EPB41L3: variants seen among roughly 807,000 people sequenced by gnomAD.
EPB41L3 encodes the protein band 4.1-like protein 3.
EPB41L3 carries 57 observed loss-of-function variants against 127.1 expected under a neutral mutation model. That is an observed-to-expected ratio of 0.45 (90% CI 0.36 to 0.56). The LOEUF (loss-of-function observed/expected upper bound fraction) is 0.56, where lower values mean the gene tolerates loss of function less well. EPB41L3 is among the 20% of genes least tolerant of loss of function. EPB41L3 has a pLI of 0.00. For missense variants in EPB41L3, 1,273 were observed against 1,372.2 expected (o/e 0.93, Z 1.14); for synonymous variants, 572 against 549.5 (o/e 1.04, Z -0.57).
chr18:5,540,465 G>A (rs2093688043), intron 1 of EPB41L3: 6 of 985,284 alleles, frequency 6.1e-6, no homozygotes, highest in Middle Eastern at 5.2e-4. Flanking sequence ...GAGCCATAGT[G>A]ATGTCACAAC....
rs746251961 is a variant in EPB41L3, at chr18:5,415,866, G to A, written c.2019C>T (p.Ser673=). The change falls in exon 13 of 23, where the codon TCC becomes TCT. Residue 673 remains serine (S), a synonymous_variant. Coordinates refer to ENST00000341928, the MANE Select transcript of EPB41L3 (RefSeq NM_012307.5). The part of the protein sequence containing the change: ...CLCYLEPKAA[S]LSASLDNDPS... ...GGTCATTGTCTAGGGAGGCGCTCAA[G>A]GAGGCCGCCTTGGGCTCCAGGTAGC... The A allele has an allele frequency of 2.5e-6, 4 of 1,613,466 alleles. No homozygotes were observed. Among genetic ancestry groups the A allele is most frequent in the Admixed American group, 1.7e-5 (1 of 59,992 alleles).
chr18:5,394,364 T>C (rs569092585), intron 22 of EPB41L3: 1 of 204,988 alleles, frequency 4.9e-6, no homozygotes, highest in African/African-American at 2.3e-5. Context: ...AAATTTGCCA[T>C]TACAAATTTG....
intron 2 of EPB41L3, among the ~76,000 whole-genome samples, chr18:5,486,698 C>T (rs550212933): frequency 1.3e-5 from 2 of 152,202 alleles, no homozygotes; most frequent in South Asian, 4.1e-4. Flanking sequence ...AGAAGACACA[C>T]AAATGGCCAA....
intron 1 of EPB41L3, among the ~76,000 whole-genome samples, chr18:5,502,990 A>G (rs1449138711): frequency 6.6e-6 from 1 of 152,198 alleles, no homozygotes; most frequent in Non-Finnish European, 1.5e-5. Context: ...ATGAAAAGAG[A>G]GACTTAAGTG....
intron 20 of EPB41L3, 66 bp from the exon 21 acceptor site, chr18:5,395,213 G>A: frequency 1.5e-6 from 2 of 1,357,386 alleles, no homozygotes; most frequent in South Asian, 1.2e-5. Context: ...GTTCAGTAGG[G>A]GGAAATGGCC....
intron 1 of EPB41L3, among the ~76,000 whole-genome samples, chr18:5,503,696 A>C (rs1348276601): frequency 1.4e-4 from 22 of 152,254 alleles, no homozygotes. Context: ...ACCATTCCCT[A>C]GTCAAGGCTA....
rs1318689691 is a variant in EPB41L3 at position 5,428,325 on chromosome 18, G to C, written c.1053C>G (p.Ile351Met). 1 of 1,614,116 alleles carries C rather than the reference G, an allele frequency of 6.2e-7. No homozygotes were observed. Among genetic ancestry groups the C allele is most frequent in the South Asian group, 1.1e-5 (1 of 91,078 alleles). Residue 351 changes from isoleucine to methionine, a missense_variant, in exon 9 of 23, where the codon ATC becomes ATG. Transcript: ENST00000341928. ...SYKRNNFYIK[I>M]RPGEFEQFES... ...TGGGTATACTTACCTCTCCCGGCCGGATCTTAATGTAAAAGTTGTTCCGTT... is the reference window on the plus strand; with the variant it reads ...TGGGTATACTTACCTCTCCCGGCCGCATCTTAATGTAAAAGTTGTTCCGTT...
At chr18:5,457,005 C>T (rs980587878) in intron 3 of EPB41L3, among the ~76,000 whole-genome samples, 1 of 152,246 alleles carries the variant, frequency 6.6e-6, no homozygotes, top group Non-Finnish European at 1.5e-5. Flanking sequence ...GTAGTCACTG[C>T]TCCTTCCCGA....
intron 16 of EPB41L3, chr18:5,401,128 T>C: frequency 1.5e-6 from 1 of 687,616 alleles, no homozygotes; most frequent in Non-Finnish European, 2.5e-6. Flanking sequence ...TCTTTCATTG[T>C]ATTATCTCTA....
intron 2 of EPB41L3, among the ~76,000 whole-genome samples, chr18:5,478,835 C>T (rs2147926348): frequency 6.6e-6 from 1 of 152,270 alleles, no homozygotes; most frequent in East Asian, 1.9e-4. Context: ...CTATACTCTA[C>T]AACTTGTTAT....
upstream of EPB41L3, among the ~76,000 whole-genome samples, chr18:5,629,407 CT>C (rs1340235516): frequency 7.6e-6 from 1 of 130,870 alleles, no homozygotes; most frequent in Non-Finnish European, 1.6e-5. Flanking sequence ...CTCGCTCATC[CT>C]TACACACCAC....
rs143684102 is a variant in EPB41L3 at position 5,513,106 on chromosome 18, T to C, written c.-11-23912A>G. ...TGTCATTCTCTCTCCCAAGTTTTTC[T>C]GATTCTCCTCTTTCCAGGCACATAG... On this transcript the variant is annotated intron_variant, in intron 1 of 22. Transcript: ENST00000341928. 4.4e-3 allele frequency among the ~76,000 whole-genome samples: 668 copies of C among 152,304 alleles called. 2 individuals carry two copies. The highest frequency in any genetic ancestry group is 0.015 in the African/African-American group (636 of 41,570).
At chr18:5,456,936 A>T (rs2083180473) in intron 3 of EPB41L3, among the ~76,000 whole-genome samples, 1 of 152,246 alleles carries the variant, frequency 6.6e-6, no homozygotes, top group Admixed American at 6.5e-5. Flanking sequence ...GAGAAGCTGG[A>T]GCAGCAGGGA....
At chr18:5,428,193 C>T (rs759864069) in intron 9 of EPB41L3, 120 bp downstream of exon 9, 1 of 1,105,258 alleles carries the variant, frequency 9.0e-7, no homozygotes, top group Non-Finnish European at 1.3e-6. Context: ...CTCTCTCAGG[C>T]ACTTAGATGT....
At chr18:5,529,233 G>A (rs540186641) in intron 1 of EPB41L3, among the ~76,000 whole-genome samples, 60 of 152,198 alleles carry the variant, frequency 3.9e-4, no homozygotes, top group Non-Finnish European at 8.1e-4. Flanking sequence ...AGCTACATAG[G>A]AGGTAAACAT....
chr18:5,544,016 G>C, upstream of EPB41L3: 1 of 985,326 alleles, frequency 1.0e-6, no homozygotes, highest in Non-Finnish European at 1.2e-6. Flanking sequence ...GGAGGAAGCC[G>C]CAGCCCAGGG....
chr18:5,589,035 AG>A (rs2094463675), intron 3 of EPB41L3, among the ~76,000 whole-genome samples: 1 of 152,172 alleles, frequency 6.6e-6, no homozygotes, highest in Non-Finnish European at 1.5e-5. Flanking sequence ...CATTGCACTT[AG>A]AGGGATGTAG....
intron 3 of EPB41L3, among the ~76,000 whole-genome samples, chr18:5,567,909 G>T (rs1162700230): frequency 6.6e-6 from 1 of 151,890 alleles, no homozygotes; most frequent in Non-Finnish European, 1.5e-5. Flanking sequence ...TTAAAACTGA[G>T]AATATTATAG....
intron 1 of EPB41L3, among the ~76,000 whole-genome samples, chr18:5,619,038 TG>T (rs1303438044): frequency 2.0e-5 from 3 of 152,230 alleles, no homozygotes; most frequent in Admixed American, 1.3e-4. Context: ...ACAATTATTA[TG>T]TGTTCTATTT....
Sources: gnomAD v4.1 joint callset for allele counts (sites outside exome capture counted in the v4.1 genomes callset) on GRCh38, gnomAD v4.1.1 for gene constraint, MANE v1.5 for transcripts, NCBI Gene and HGNC (gene_info 2026-07-23, HGNC 2026-07-21) for gene names.